DCHS2: variants seen among roughly 807,000 people sequenced by gnomAD.
DCHS2 encodes dachsous cadherin-related 2, also known as protocadherin-23.
Under a neutral mutation model 182.4 loss-of-function variants are expected in DCHS2, and 142 were observed. The ratio of observed to expected loss-of-function variants is 0.78; its 90% CI spans 0.68 to 0.89. DCHS2 has a LOEUF of 0.89. Ranked by LOEUF, DCHS2 falls within the 40% of genes least tolerant of loss-of-function variation. The pLI is 0.00. For missense variants in DCHS2, 4,319 were observed against 4,198.6 expected, an observed-to-expected ratio of 1.03 and a Z score of -0.79; for synonymous variants, 1,740 against 1,663.3, an observed-to-expected ratio of 1.05 and a Z score of -1.12.
At chr4:154,436,834 CAG>C (rs1376943523) in intron 1 of DCHS2, among the ~76,000 whole-genome samples, 1 of 152,124 alleles carries the variant, frequency 6.6e-6, no homozygotes, top group Non-Finnish European at 1.5e-5. Flanking sequence ...ATAAAATACA[CAG>C]GGGATTTCAA....
intron 1 of DCHS2, among the ~76,000 whole-genome samples, chr4:154,428,955 A>G (rs940804793): frequency 1.6e-5 from 2 of 125,894 alleles, no homozygotes; most frequent in Non-Finnish European, 3.4e-5. Context: ...CTACTGATAG[A>G]GAATCAAAAG....
chr4:154,456,863 C>T (rs1277233563), intron 1 of DCHS2, among the ~76,000 whole-genome samples: 1 of 152,080 alleles, frequency 6.6e-6, no homozygotes, highest in Non-Finnish European at 1.5e-5. Context: ...TATATTTGGG[C>T]TATAAGTAGG....
At chr4:154,470,375 C>G (rs1735409635) in intron 1 of DCHS2, among the ~76,000 whole-genome samples, 1 of 151,904 alleles carries the variant, frequency 6.6e-6, no homozygotes. Context: ...GTAGTCCTAG[C>G]TACTCAGGTG....
At chr4:154,425,470 T>C (rs1733287122) in intron 1 of DCHS2, among the ~76,000 whole-genome samples, 1 of 152,174 alleles carries the variant, frequency 6.6e-6, no homozygotes, top group Admixed American at 6.5e-5. Flanking sequence ...AAGTACAAAC[T>C]CACTGCCCTA....
At chr4:154,331,865 A>G in intron 5 of DCHS2, 2 of 769,072 alleles carry the variant, frequency 2.6e-6, no homozygotes, top group Non-Finnish European at 3.7e-6. Context: ...GTAAACTTAT[A>G]CAACATAAAT....
chr4:154,369,271 G>T (rs1190721526), intron 2 of DCHS2, among the ~76,000 whole-genome samples: 1 of 152,180 alleles, frequency 6.6e-6, no homozygotes, highest in Non-Finnish European at 1.5e-5. Context: ...AATTCACCAA[G>T]TTAAGTGGAT....
intron 1 of DCHS2, among the ~76,000 whole-genome samples, chr4:154,406,209 G>C (rs767883486): frequency 6.6e-6 from 1 of 152,204 alleles, no homozygotes; most frequent in Non-Finnish European, 1.5e-5. Context: ...AAACACCCAC[G>C]CAGATTCTCA....
intron 16 of DCHS2, among the ~76,000 whole-genome samples, chr4:154,249,668 C>T (rs1031856111): frequency 3.9e-5 from 6 of 152,060 alleles, no homozygotes; most frequent in African/African-American, 1.4e-4. Flanking sequence ...ACCTAGGTGC[C>T]TGTTAATGGT....
chr4:154,476,266 T>G (rs1404947315), intron 1 of DCHS2, among the ~76,000 whole-genome samples: 1 of 152,248 alleles, frequency 6.6e-6, no homozygotes, highest in Non-Finnish European at 1.5e-5. Flanking sequence ...GATTATTAAC[T>G]TGAGACATTT....
chr4:154,358,241 T>A (rs1176217927), intron 3 of DCHS2, among the ~76,000 whole-genome samples: 2 of 152,180 alleles, frequency 1.3e-5, no homozygotes, highest in African/African-American at 4.8e-5. Context: ...CTGGAATCTA[T>A]CTATTCTTTC....
In DCHS2 at chr4:154,476,417, C is replaced by T. The variant is rs186713413; in HGVS notation, c.2052+12887G>A. ...ATCTGTCTGATACGAAATTACAACACAAAAAGGGTATTAATTGTCTTACTG... is the reference window on the plus strand; with the variant it reads ...ATCTGTCTGATACGAAATTACAACATAAAAAGGGTATTAATTGTCTTACTG... On this transcript the variant is annotated intron_variant, in intron 1 of 19. Transcript: ENST00000357232. 3.5e-4 allele frequency among the ~76,000 whole-genome samples: 53 copies of T among 152,250 alleles called. No individual in the cohort carries two copies. In the East Asian group the frequency reaches 5.6e-3, roughly 16 times the overall value.
intron 1 of DCHS2, among the ~76,000 whole-genome samples, chr4:154,474,299 GC>G (rs1193471053): frequency 2.0e-5 from 3 of 152,166 alleles, no homozygotes; most frequent in Non-Finnish European, 4.4e-5. Flanking sequence ...TCACAGGTGG[GC>G]TGCAGTGGAT....
At chr4:154,318,229 T>TTATATAAGTATATACATATATACA (rs1735931125) in intron 9 of DCHS2, among the ~76,000 whole-genome samples, 3 of 151,116 alleles carry the variant, frequency 2.0e-5, no homozygotes, top group African/African-American at 7.3e-5. Context: ...TATATATACG[T>TTATATAAGTATATACATATATACA]TATATAAGTA....
chr4:154,388,416 T>A (rs1203312396), intron 1 of DCHS2, among the ~76,000 whole-genome samples: 2 of 151,654 alleles, frequency 1.3e-5, no homozygotes, highest in African/African-American at 4.8e-5. Flanking sequence ...AGCAAAGGGT[T>A]AAGTGATTTA....
At chr4:154,392,043 C>T (rs530353434) in intron 1 of DCHS2, among the ~76,000 whole-genome samples, 4 of 152,164 alleles carry the variant, frequency 2.6e-5, no homozygotes, top group South Asian at 2.1e-4. Context: ...AAAATGACAC[C>T]GTTTTGTAAA....
At chr4:154,316,445 T>C (rs2111326314) in intron 9 of DCHS2, among the ~76,000 whole-genome samples, 1 of 152,328 alleles carries the variant, frequency 6.6e-6, no homozygotes, top group East Asian at 1.9e-4. Flanking sequence ...TAATATTTAT[T>C]CTCAGTTAAC....
intron 1 of DCHS2, among the ~76,000 whole-genome samples, chr4:154,444,335 C>T (rs895658923): frequency 2.0e-5 from 3 of 152,022 alleles, no homozygotes; most frequent in Non-Finnish European, 1.5e-5. Context: ...AATTAACATA[C>T]CCCCAAATCA....
At chr4:154,392,009 CA>C (rs2110850702) in intron 1 of DCHS2, among the ~76,000 whole-genome samples, 1 of 152,186 alleles carries the variant, frequency 6.6e-6, no homozygotes, top group Admixed American at 6.5e-5. Context: ...TCTTGGGGTA[CA>C]ATCATGGGAA....
chr4:154,480,496 T>G (rs1362184108), intron 1 of DCHS2, among the ~76,000 whole-genome samples: 5 of 152,222 alleles, frequency 3.3e-5, no homozygotes, highest in Non-Finnish European at 7.3e-5. Context: ...CTCATGAAAG[T>G]GAAGCTCTAC....
Sources: allele counts gnomAD v4.1 joint callset (sites outside exome capture counted in the v4.1 genomes callset), GRCh38; gene constraint gnomAD v4.1.1; transcripts MANE v1.5; gene names NCBI Gene and HGNC (gene_info 2026-07-23, HGNC 2026-07-21).